The following SORD variants were observed in gnomAD, a reference collection of about 807,000 sequenced individuals.
SORD encodes the protein (R,R)-butanediol dehydrogenase.
SORD carries 18 observed loss-of-function variants against 35.6 expected under a neutral mutation model. That is an observed-to-expected ratio of 0.51 (90% CI 0.35 to 0.75). The LOEUF (loss-of-function observed/expected upper bound fraction) is 0.75, where lower values mean the gene tolerates loss of function less well. Among genes scored for constraint, SORD ranks in the 30% least tolerant of loss-of-function variants. The pLI is 0.01. For missense variants in SORD, 250 were observed against 390.2 expected (o/e 0.64, Z 3.03); for synonymous variants, 106 against 152.9 (o/e 0.69, Z 2.26).
intron 8 of SORD, among the ~76,000 whole-genome samples, chr15:45,073,041 G>A (rs1430754591): frequency 8.2e-5 from 11 of 134,188 alleles, no homozygotes; most frequent in Admixed American, 4.8e-4. Flanking sequence ...GGATTGTCCC[G>A]GGCTGCCTCC....
At chr15:45,039,242 C>A (rs1892925931) in intron 1 of SORD, among the ~76,000 whole-genome samples, 1 of 152,088 alleles carries the variant, frequency 6.6e-6, no homozygotes. Flanking sequence ...AATTCTCCTG[C>A]CTCAGCCTCC....
intron 3 of SORD, chr15:45,050,746 T>C (rs1595502156): frequency 6.6e-6 from 1 of 152,208 alleles, no homozygotes; most frequent in Non-Finnish European, 1.5e-5. Context: ...TCACAAATAG[T>C]TTCCAAAGTC....
At chr15:45,064,537 A>T (rs1373594021) in intron 4 of SORD, among the ~76,000 whole-genome samples, 1 of 152,218 alleles carries the variant, frequency 6.6e-6, no homozygotes, top group Non-Finnish European at 1.5e-5. Context: ...ACCCAGAGTG[A>T]AGGTGACACT....
intron 3 of SORD, among the ~76,000 whole-genome samples, chr15:45,048,315 T>C (rs374602196): frequency 6.6e-6 from 1 of 152,178 alleles, no homozygotes; most frequent in African/African-American, 2.4e-5. Context: ...TAAAAATTTG[T>C]CTAGCACAAC....
chr15:45,023,459 A>G, intron 1 of SORD, 110 bp downstream of exon 1: 1 of 996,236 alleles, frequency 1.0e-6, no homozygotes, highest in African/African-American at 1.7e-5. Flanking sequence ...CCGCACCTTA[A>G]GCGCCCTGGC....
chr15:45,058,159 A>T (rs1416453781), intron 3 of SORD, among the ~76,000 whole-genome samples: 2 of 152,226 alleles, frequency 1.3e-5, no homozygotes, highest in Non-Finnish European at 2.9e-5. Context: ...GATAGGAAAG[A>T]CTGGAAGTCC....
chr15:45,024,408 C>T (rs113971763), intron 1 of SORD, among the ~76,000 whole-genome samples: 10 of 152,282 alleles, frequency 6.6e-5, no homozygotes, highest in African/African-American at 2.2e-4. Context: ...TCAAGGACTC[C>T]CTTTAAGCCG....
At chr15:45,065,587 G>T (rs1344838991) in intron 5 of SORD, among the ~76,000 whole-genome samples, 198 bp downstream of exon 5, 1 of 152,134 alleles carries the variant, frequency 6.6e-6, no homozygotes, top group Non-Finnish European at 1.5e-5. Flanking sequence ...ATTAACTAGG[G>T]TTATATGTCC....
At chr15:45,054,996 T>C (rs1893191609) in intron 3 of SORD, among the ~76,000 whole-genome samples, 1 of 152,216 alleles carries the variant, frequency 6.6e-6, no homozygotes, top group African/African-American at 2.4e-5. Flanking sequence ...TTCTGTTCCA[T>C]TGATCTCTAT....
intron 3 of SORD, among the ~76,000 whole-genome samples, chr15:45,047,966 T>C (rs1176738710): frequency 1.3e-5 from 2 of 152,246 alleles, no homozygotes; most frequent in African/African-American, 4.8e-5. Flanking sequence ...ACCTGTGATA[T>C]TAAAATCCCC....
chr15:45,054,718 C>A (rs1185094338), intron 3 of SORD, among the ~76,000 whole-genome samples: 2 of 152,172 alleles, frequency 1.3e-5, no homozygotes, highest in African/African-American at 4.8e-5. Flanking sequence ...GAAGTCCTTG[C>A]CTATGCCTAT....
intron 1 of SORD, among the ~76,000 whole-genome samples, chr15:45,034,175 G>A (rs983402973): frequency 1.3e-5 from 2 of 151,110 alleles, no homozygotes; most frequent in African/African-American, 4.9e-5. Flanking sequence ...TTACTGAGTC[G>A]GCATTCCCTT....
chr15:45,035,326 T>C (rs1444049614), intron 1 of SORD, among the ~76,000 whole-genome samples: 13 of 152,146 alleles, frequency 8.5e-5, no homozygotes, highest in Admixed American at 7.9e-4. Context: ...GGAGGACCTT[T>C]ATGTCTAGCT....
At chr15:45,036,794 GAAA>G (rs200220912) in intron 1 of SORD, among the ~76,000 whole-genome samples, 3 of 151,694 alleles carry the variant, frequency 2.0e-5, no homozygotes, top group Non-Finnish European at 4.4e-5. Flanking sequence ...TTGGGAATGA[GAAA>G]AAAAAGAGCT....
At chr15:45,047,112 G>C (rs1221392530) in intron 3 of SORD, 1 of 151,810 alleles carries the variant, frequency 6.6e-6, no homozygotes. Context: ...TTTAAGACTA[G>C]TCAAGTGCAG....
chr15:45,061,485 C>A (rs1893306469), intron 4 of SORD, among the ~76,000 whole-genome samples: 1 of 152,126 alleles, frequency 6.6e-6, no homozygotes, highest in Admixed American at 6.5e-5. Flanking sequence ...TTGCTGAAAT[C>A]ACTCACCCTC....
intron 4 of SORD, among the ~76,000 whole-genome samples, chr15:45,062,682 G>A (rs1453610409): frequency 2.1e-5 from 3 of 142,754 alleles, no homozygotes; most frequent in African/African-American, 7.5e-5. Flanking sequence ...TCAGCAAGTG[G>A]TTCCTGAATG....
At chr15:45,039,133 T>C (rs535382711) in intron 1 of SORD, among the ~76,000 whole-genome samples, 2 of 148,692 alleles carry the variant, frequency 1.3e-5, no homozygotes, top group East Asian at 3.9e-4. Flanking sequence ...CTCTCTCTCT[T>C]CCTTTTTTTT....
intron 2 of SORD, among the ~76,000 whole-genome samples, chr15:45,042,754 G>A (rs1441357634): frequency 2.6e-5 from 4 of 151,614 alleles, no homozygotes; most frequent in Non-Finnish European, 5.9e-5. Flanking sequence ...GTATTGGTTA[G>A]TGTTGTCCAG....
Sources: gnomAD v4.1 joint callset for allele counts (sites outside exome capture counted in the v4.1 genomes callset) on GRCh38, gnomAD v4.1.1 for gene constraint, MANE v1.5 for transcripts, NCBI Gene and HGNC (gene_info 2026-07-23, HGNC 2026-07-21) for gene names.